The following MAML1 variants were observed in gnomAD, a reference collection of about 807,000 sequenced individuals.
The protein encoded by MAML1 is mastermind-like protein 1.
In MAML1, 14 loss-of-function variants were observed where a neutral mutation model predicts 77.1. The ratio of observed to expected loss-of-function variants is 0.18; its 90% CI spans 0.12 to 0.28. The LOEUF (loss-of-function observed/expected upper bound fraction) is 0.28, where lower values mean the gene tolerates loss of function less well. MAML1 is among the 10% of genes least tolerant of loss of function. The probability of loss-of-function intolerance (pLI) is 1.00; values close to 1 mark genes in which losing one functional copy is unlikely to be tolerated. For missense variants in MAML1, 1,217 were observed against 1,327.8 expected (o/e 0.92, Z 1.30); for synonymous variants, 516 against 551.9 (o/e 0.93, Z 0.91).
At position 179,775,540 on chromosome 5, in the gene MAML1, C is replaced by A. The variant is rs1423671597; in HGVS notation, c.*663C>A. 4 of 985,220 alleles carry A rather than the reference C, an allele frequency of 4.1e-6. No homozygotes were observed. Among genetic ancestry groups the A allele is most frequent in the Non-Finnish European group, 3.6e-6 (3 of 829,910 alleles). The allele number at this position is 985,220 out of a possible 1,614,324, so 61.0% of individuals were successfully genotyped here. On this transcript the variant is annotated 3_prime_UTR_variant, in exon 5 of 5. Coordinates refer to ENST00000292599, the MANE Select transcript of MAML1 (RefSeq NM_014757.5). ...GCGTATGCCAAAAAGGGACAGGAGG[C>A]ATGGGATAGCAGGTCTGGTGACACA...
intron 1 of MAML1, among the ~76,000 whole-genome samples, chr5:179,738,794 T>C (rs1216014792): frequency 6.6e-6 from 1 of 152,136 alleles, no homozygotes; most frequent in Non-Finnish European, 1.5e-5. Flanking sequence ...TTTTTTTTTT[T>C]TTTGGAGACA....
intron 1 of MAML1, among the ~76,000 whole-genome samples, chr5:179,745,795 G>A (rs1241114677): frequency 1.3e-5 from 2 of 148,210 alleles, no homozygotes; most frequent in Non-Finnish European, 3.0e-5. Flanking sequence ...AGGAGGCGGA[G>A]CGTGGAGTGA....
At position 179,753,184 on chromosome 5, in the gene MAML1, AGTGTGTGTGTGTGTGT is replaced by A. The variant is rs59680995; in HGVS notation, c.316-12118_316-12103del. On this transcript the variant is annotated intron_variant, in intron 1 of 4. Coordinates refer to ENST00000292599, the MANE Select transcript of MAML1 (RefSeq NM_014757.5). ...ACCTAAATCCTAGATGCTATTTTTTAGTGTGTGTGTGTGTGTGTGTGTGTGTGTGTGTGTGTGTGCG... is the reference window on the plus strand; with the variant it reads ...ACCTAAATCCTAGATGCTATTTTTTAGTGTGTGTGTGTGTGTGTGTGTGCG... Among the ~76,000 whole-genome samples the A allele has an allele frequency of 4.8e-3, 580 of 120,582 alleles. 1 individual carries two copies. The highest frequency in any genetic ancestry group is 8.6e-3 in the African/African-American group (305 of 35,312). The allele number at this position is 120,582 out of a possible 152,430, so 79.1% of individuals were successfully genotyped here.
chr5:179,769,181 G>T lies in MAML1; in HGVS notation c.1971+92G>T. 1 of 1,538,372 alleles carries T rather than the reference G, an allele frequency of 6.5e-7. No homozygotes were observed. Among genetic ancestry groups the T allele is most frequent in the South Asian group, 1.2e-5 (1 of 81,038 alleles). On this transcript the variant is annotated intron_variant, in intron 3 of 4. Coordinates refer to ENST00000292599, the MANE Select transcript of MAML1 (RefSeq NM_014757.5). The surrounding 1 kb of genome is among the most constrained non-coding windows in gnomAD (Gnocchi z 4.2). ...GTCACACCTTCTGCTTGTGCGTGTG[G>T]ATTTGCGCAGACTTGCGTGCCTGTT...
chr5:179,768,704 T>A, intron 2 of MAML1, 146 bp from the exon 3 acceptor site: 1 of 1,029,822 alleles, frequency 9.7e-7, no homozygotes, highest in Non-Finnish European at 1.4e-6. Context: ...TGGTCTGTGC[T>A]CCAGCCCTGT....
intron 1 of MAML1, among the ~76,000 whole-genome samples, chr5:179,757,612 A>C (rs1432449172): frequency 6.6e-6 from 1 of 152,050 alleles, no homozygotes; most frequent in Non-Finnish European, 1.5e-5. Context: ...AAGCCAATGG[A>C]ACTCTAGATC....
Position 179,765,790 on chromosome 5 carries a change from G to A in MAML1, c.780G>A (p.Arg260=). The A allele has an allele frequency of 6.2e-7, 1 of 1,614,216 alleles. No homozygotes were observed. Among genetic ancestry groups the A allele is most frequent in the Non-Finnish European group, 8.5e-7 (1 of 1,180,040 alleles). The change falls in exon 2 of 5, where the codon AGG becomes AGA. Residue 260 remains arginine (R), a synonymous_variant. Transcript: ENST00000292599. ...EWKELIEELN[R]SVPDEDMKDL... Reference sequence around the variant, plus strand: ...AGGAGCTCATCGAGGAGCTGAACAGGTCGGTGCCCGATGAAGACATGAAGG... The same window carrying A: ...AGGAGCTCATCGAGGAGCTGAACAGATCGGTGCCCGATGAAGACATGAAGG...
intron 1 of MAML1, among the ~76,000 whole-genome samples, chr5:179,750,524 G>A (rs958050924): frequency 7.2e-5 from 11 of 152,032 alleles, no homozygotes; most frequent in African/African-American, 2.4e-4. Flanking sequence ...ACAGTGGCCC[G>A]ATCTAGGCTC....
At chr5:179,753,228 CGCGCGCGCGCGT>C (rs1251197944) in intron 1 of MAML1, among the ~76,000 whole-genome samples, 2 of 148,520 alleles carry the variant, frequency 1.3e-5, no homozygotes, top group Non-Finnish European at 3.0e-5. Context: ...TGTGTGCGCG[CGCGCGCGCGCGT>C]GCTGGGGTGA....
intron 4 of MAML1, 128 bp from the exon 5 acceptor site, chr5:179,773,767 G>GC: frequency 2.0e-6 from 3 of 1,499,008 alleles, no homozygotes; most frequent in Non-Finnish European, 2.6e-6. Flanking sequence ...AAGGCTTTCT[G>GC]CCCCATGGCC....
In MAML1 at chr5:179,766,234, C is replaced by G. The variant is rs376959601; in HGVS notation, c.1224C>G (p.Arg408=). 14 of 1,613,656 alleles carry G rather than the reference C, an allele frequency of 8.7e-6. No homozygotes were observed. The highest frequency in any genetic ancestry group is 1.2e-5 in the Non-Finnish European group (14 of 1,179,888). The change falls in exon 2 of 5, where the codon CGC becomes CGG. Residue 408 remains arginine, a synonymous_variant. Transcript: ENST00000292599. This position sits in a 1 kb window ranked among gnomAD's most constrained non-coding sequence, Gnocchi z 4.0. The part of the protein sequence containing the change: ...QLQQIAAKQK[R]EQMLQNPQQA... ...AGCAGATCGCTGCCAAGCAGAAGCG[C>G]GAGCAGATGCTCCAGAACCCACAGC...
At chr5:179,748,804 G>A (rs1017217726) in intron 1 of MAML1, among the ~76,000 whole-genome samples, 5 of 152,174 alleles carry the variant, frequency 3.3e-5, no homozygotes, top group African/African-American at 1.2e-4. Context: ...GAATCAGAAT[G>A]TCTTTGGACT....
intron 1 of MAML1, among the ~76,000 whole-genome samples, chr5:179,764,122 TC>T (rs1779769280): frequency 6.6e-6 from 1 of 152,012 alleles, no homozygotes; most frequent in Admixed American, 6.6e-5. Context: ...GCCCCTGAAC[TC>T]CCAGGGTACT....
intron 1 of MAML1, among the ~76,000 whole-genome samples, chr5:179,747,438 G>A (rs188245043): frequency 2.6e-5 from 4 of 152,096 alleles, no homozygotes; most frequent in African/African-American, 9.7e-5. Flanking sequence ...AGGAGGGAGC[G>A]ACCTGAATGT....
Position 179,766,625 on chromosome 5 carries a change from C to T in MAML1, c.1615C>T (p.Leu539=), listed in dbSNP as rs761887255. The change falls in exon 2 of 5, where the codon CTG becomes TTG. Residue 539 remains leucine, a synonymous_variant. Coordinates refer to ENST00000292599, the MANE Select transcript of MAML1 (RefSeq NM_014757.5). This position sits in a 1 kb window ranked among gnomAD's most constrained non-coding sequence, Gnocchi z 4.0. ...SPGSGQSKPA[L]MAYLPQQLSH... ...GGGGTCTGGCCAGAGCAAGCCAGCC[C>T]TGATGGCTTATCTTCCCCAGCAGCT... is the stretch of plus-strand genomic sequence containing the variant. 7 of 1,613,206 alleles carry T rather than the reference C, an allele frequency of 4.3e-6. No homozygotes were observed. Among genetic ancestry groups the T allele is most frequent in the Non-Finnish European group, 4.2e-6 (5 of 1,179,396 alleles).
chr5:179,739,914 G>C lies in MAML1; in HGVS notation c.315+6487G>C, dbSNP rs546624908. On this transcript the variant is annotated intron_variant, in intron 1 of 4. Transcript: ENST00000292599. ...CCCCATGGACACCAAGGGAACTGCT[G>C]TGTACAGTAGCGAATAGGACAAATT... Among the ~76,000 whole-genome samples, 72 of 152,306 alleles carry C rather than the reference G, an allele frequency of 4.7e-4. 2 individuals carry two copies. The South Asian group carries it at 0.015, about 31-fold the overall frequency.
At position 179,765,929 on chromosome 5, in the gene MAML1, T is replaced by G. The variant is rs1222220493; in HGVS notation, c.919T>G (p.Phe307Val). ...TAAGACGGAATTCTCTCCAGCAGCC[T>G]TTGAGCAAGAACAGTTAGGCTCTCC... Reference protein sequence around the residue: ...NIKTEFSPAAFEQEQLGSPQV... With the variant: ...NIKTEFSPAAVEQEQLGSPQV... The change falls in exon 2 of 5, where the codon TTT becomes GTT. Residue 307 changes from phenylalanine to valine, a missense_variant. Phe to Val is a conservative substitution (Grantham distance 50, BLOSUM62 -1). Transcript: ENST00000292599. 1.2e-6 allele frequency: 2 copies of G among 1,613,976 alleles called. No homozygotes were observed. Among genetic ancestry groups the G allele is most frequent in the Admixed American group, 1.7e-5 (1 of 59,994 alleles).
chr5:179,774,022 C>A lies in MAML1; in HGVS notation c.2196C>A (p.Pro732=). The A allele has an allele frequency of 6.2e-7, 1 of 1,614,220 alleles. No individual in the cohort carries two copies. The highest frequency in any genetic ancestry group is 1.3e-5 in the African/African-American group (1 of 75,068). ...GPGHASVSSL[P]TNSGQQDRGV... is the part of the protein sequence containing the mutation. ...GACATGCTTCAGTTTCCTCTCTCCC[C>A]ACAAACTCAGGCCAACAGGACCGGG... The change falls in exon 5 of 5, where the codon CCC becomes CCA. Residue 732 remains proline, a synonymous_variant. Transcript: ENST00000292599.
In MAML1 at chr5:179,771,387, G is replaced by A; in HGVS notation, c.2068+144G>A. 3.0e-6 allele frequency: 2 copies of A among 668,280 alleles called. No homozygotes were observed. The highest frequency in any genetic ancestry group is 5.1e-6 in the Non-Finnish European group (2 of 395,360). The allele number at this position is 668,280 out of a possible 1,614,324, so 41.4% of individuals were successfully genotyped here. ...ATATACACCTCAGTTTGCCTAAGGG[G>A]CCTGGTTTTCTAGTTACTCCACGGC... On this transcript the variant is annotated intron_variant, in intron 4 of 4. Transcript: ENST00000292599. The surrounding 1 kb of genome is among the most constrained non-coding windows in gnomAD (Gnocchi z 4.7).
Sources: gnomAD v4.1 joint callset for allele counts (sites outside exome capture counted in the v4.1 genomes callset) on GRCh38, gnomAD v4.1.1 for gene constraint, Gnocchi (gnomAD v3.1) non-coding constraint, MANE v1.5 for transcripts, NCBI Gene and HGNC (gene_info 2026-07-23, HGNC 2026-07-21) for gene names.